The following SHISA9 variants were observed in gnomAD, a reference collection of about 807,000 sequenced individuals.
The protein encoded by SHISA9 is shisa family member 9, also known as protein shisa-9.
Under a neutral mutation model 38.0 loss-of-function variants are expected in SHISA9, and 13 were observed. That is an observed-to-expected ratio of 0.34 (90% CI 0.22 to 0.54). The LOEUF (loss-of-function observed/expected upper bound fraction) is 0.54. Ranked by LOEUF, SHISA9 falls within the 20% of genes least tolerant of loss-of-function variation. SHISA9 has a pLI of 0.91. For synonymous variants in SHISA9, 275 were observed against 242.0 expected (o/e 1.14, Z -1.27); for missense variants, 538 against 575.8 (o/e 0.93, Z 0.67).
chr16:13,375,053 T>A, the SHISA9 span, among the ~76,000 whole-genome samples: 1 of 152,230 alleles, frequency 6.6e-6, no homozygotes, highest in Non-Finnish European at 1.5e-5. Context: ...TTAAGTTCTT[T>A]GTAGATTCTG....
the SHISA9 span, among the ~76,000 whole-genome samples, chr16:13,396,487 A>C: frequency 1.3e-5 from 2 of 152,186 alleles, no homozygotes; most frequent in South Asian, 2.1e-4. Flanking sequence ...AGTGTCCTCC[A>C]CTAGCCAACT....
chr16:12,910,363 C>A, intron 1 of SHISA9: 1 of 550,248 alleles, frequency 1.8e-6, no homozygotes, highest in Non-Finnish European at 2.3e-6. Flanking sequence ...AACTTATGCC[C>A]AACACTGTGC....
chr16:13,434,634 G>C, the SHISA9 span, among the ~76,000 whole-genome samples: 1 of 151,982 alleles, frequency 6.6e-6, no homozygotes, highest in Non-Finnish European at 1.5e-5. Context: ...TAGCCAGGAT[G>C]GTCTTAATCT....
At chr16:13,532,549 G>A in the SHISA9 span, among the ~76,000 whole-genome samples, 21,645 of 88,468 alleles carry the variant, frequency 0.24, 1,864 homozygotes, top group South Asian at 0.42. Context: ...TACTATGTGC[G>A]TGTGTGTATG....
chr16:13,438,162 G>A, the SHISA9 span, among the ~76,000 whole-genome samples: 40,628 of 152,008 alleles, frequency 0.27, 5,711 homozygotes, highest in African/African-American at 0.3. Flanking sequence ...CACCGCACCC[G>A]GCCTCAGCAC....
chr16:13,522,506 G>A, the SHISA9 span, among the ~76,000 whole-genome samples: 6 of 151,586 alleles, frequency 4.0e-5, no homozygotes, highest in Non-Finnish European at 5.9e-5. Flanking sequence ...GTCCCCCCCC[G>A]ATTTCCTTTT....
At chr16:13,522,499 C>A in the SHISA9 span, among the ~76,000 whole-genome samples, 8 of 151,974 alleles carry the variant, frequency 5.3e-5, no homozygotes, top group Non-Finnish European at 1.2e-4. Flanking sequence ...GTGAGGAGTC[C>A]CCCCCCGATT....
chr16:13,257,900 T>C, the SHISA9 span, among the ~76,000 whole-genome samples: 2 of 152,232 alleles, frequency 1.3e-5, no homozygotes, highest in African/African-American at 4.8e-5. Context: ...GTGCTTTCCA[T>C]GTTCTTTGTA....
rs561135647 is a variant in SHISA9 at position 13,090,099 on chromosome 16, T to C, written c.692-113295T>C. Among the ~76,000 whole-genome samples, 13 of 152,380 alleles carry C rather than the reference T, an allele frequency of 8.5e-5. 2 individuals are homozygous for C. Among genetic ancestry groups the C allele is most frequent in the African/African-American group, 3.1e-4 (13 of 41,590 alleles). On this transcript the variant is annotated intron_variant, in intron 2 of 4. Transcript: ENST00000558583. Reference sequence around the variant, plus strand: ...AGGAGCAAGTTGTTCAGTTTCCATGTAGTTGTGCAGTTTTGAGTGAGTTTC... The same window carrying C: ...AGGAGCAAGTTGTTCAGTTTCCATGCAGTTGTGCAGTTTTGAGTGAGTTTC...
At chr16:13,220,033 T>C (rs1186317825) in intron 4 of SHISA9, among the ~76,000 whole-genome samples, 1 of 152,104 alleles carries the variant, frequency 6.6e-6, no homozygotes, top group Admixed American at 6.6e-5. Flanking sequence ...GTATGGTGAG[T>C]GAATGATTGG....
intron 2 of SHISA9, among the ~76,000 whole-genome samples, chr16:12,918,887 G>A (rs2071292397): frequency 6.6e-6 from 1 of 152,010 alleles, no homozygotes. Context: ...GCATTGTTGG[G>A]AATATCTGAA....
chr16:13,282,976 T>C, the SHISA9 span, among the ~76,000 whole-genome samples: 1 of 152,174 alleles, frequency 6.6e-6, no homozygotes, highest in Non-Finnish European at 1.5e-5. Flanking sequence ...CTTAGCGTCA[T>C]GCTTGGACCA....
intron 2 of SHISA9, among the ~76,000 whole-genome samples, chr16:12,966,497 T>G (rs2071980483): frequency 6.6e-6 from 1 of 152,158 alleles, no homozygotes; most frequent in African/African-American, 2.4e-5. Flanking sequence ...TCAAGCAATC[T>G]TCCTGCCTCA....
the SHISA9 span, among the ~76,000 whole-genome samples, chr16:13,261,519 C>A: frequency 6.6e-6 from 1 of 152,278 alleles, no homozygotes; most frequent in South Asian, 2.1e-4. Flanking sequence ...ACAGCACCCC[C>A]ACCAGCTCTT....
chr16:13,207,319 G>A (rs2051074812), intron 3 of SHISA9, among the ~76,000 whole-genome samples: 1 of 152,178 alleles, frequency 6.6e-6, no homozygotes, highest in African/African-American at 2.4e-5. Flanking sequence ...TTTATGTGGA[G>A]CTCCTCTACA....
intron 2 of SHISA9, among the ~76,000 whole-genome samples, chr16:13,014,939 C>G (rs1864605567): frequency 6.6e-6 from 1 of 152,268 alleles, no homozygotes. Context: ...GGGATCTCAC[C>G]TATATGCCTC....
At chr16:13,197,669 C>T (rs1044670721) in intron 2 of SHISA9, 1 of 152,200 alleles carries the variant, frequency 6.6e-6, no homozygotes, top group Non-Finnish European at 1.5e-5. Context: ...CATGGAAAAA[C>T]AGCATCACAG....
chr16:13,464,573 T>C, the SHISA9 span, among the ~76,000 whole-genome samples: 1 of 152,358 alleles, frequency 6.6e-6, no homozygotes. Context: ...ATGTCAATTT[T>C]GTTTTGGTTC....
intron 3 of SHISA9, among the ~76,000 whole-genome samples, chr16:13,210,054 T>C (rs759478010): frequency 6.6e-6 from 1 of 151,994 alleles, no homozygotes; most frequent in Non-Finnish European, 1.5e-5. Context: ...TGAGCCAAGA[T>C]CACACCACTG....
Sources: allele counts gnomAD v4.1 joint callset (sites outside exome capture counted in the v4.1 genomes callset), GRCh38; gene constraint gnomAD v4.1.1; transcripts MANE v1.5; gene names NCBI Gene and HGNC (gene_info 2026-07-23, HGNC 2026-07-21).